The following POU2F1 variants were observed in gnomAD, a reference collection of about 807,000 sequenced individuals.
POU2F1 encodes POU domain, class 2, transcription factor 1.
In POU2F1, 16 loss-of-function variants were observed where a neutral mutation model predicts 84.9. The ratio of observed to expected loss-of-function variants is 0.19; its 90% confidence interval spans 0.13 to 0.29. POU2F1 has a LOEUF of 0.29. POU2F1 is among the 10% of genes least tolerant of loss of function. The pLI is 1.00. For synonymous variants in POU2F1, 368 were observed against 368.3 expected, an observed-to-expected ratio of 1.00 and a Z score of 0.01; for missense variants, 738 against 942.6, an observed-to-expected ratio of 0.78 and a Z score of 2.84.
At chr1:167,304,116 T>C (rs993831167) in intron 1 of POU2F1, among the ~76,000 whole-genome samples, 8 of 152,226 alleles carry the variant, frequency 5.3e-5, no homozygotes, top group Non-Finnish European at 1.2e-4. Flanking sequence ...ACTCCTAGTC[T>C]AGTGCCTTTT....
intron 2 of POU2F1, among the ~76,000 whole-genome samples, chr1:167,361,115 T>G (rs1659326564): frequency 1.3e-5 from 2 of 152,132 alleles, no homozygotes; most frequent in Non-Finnish European, 2.9e-5. Context: ...TAGGAGTCTT[T>G]GAGCAGAATC....
chr1:167,266,816 G>T (rs552990247), intron 1 of POU2F1, among the ~76,000 whole-genome samples: 1 of 151,942 alleles, frequency 6.6e-6, no homozygotes, highest in Admixed American at 6.6e-5. Flanking sequence ...TAGAGATGGG[G>T]TTATATCGTG....
chr1:167,426,758 A>G lies in POU2F1; in HGVS notation c.*10948A>G, dbSNP rs1467387707. 1 of 152,198 alleles carries G rather than the reference A, an allele frequency of 6.6e-6. No homozygotes were observed. The highest frequency in any genetic ancestry group is 2.4e-5 in the African/African-American group (1 of 41,446). The allele number at this position is 152,198 out of a possible 1,614,324, so 9.4% of individuals were successfully genotyped here. A position where few individuals can be genotyped will look rare whatever the true frequency, so the allele number is the denominator to read the frequency against. ...TTGAGTTCTTCTTTGTGGAAACTTA[A>G]GATGTGGTGTAAATGATTCTTTCCA... On this transcript the variant is annotated 3_prime_UTR_variant, in exon 16 of 16. Transcript: ENST00000367866.
rs542260614 is a variant in POU2F1 at position 167,308,874 on chromosome 1, C to T, written c.62-23596C>T. On this transcript the variant is annotated intron_variant, in intron 1 of 15. Coordinates refer to ENST00000367866, the MANE Select transcript of POU2F1 (RefSeq NM_002697.4). Reference sequence around the variant, plus strand: ...GTGATGGTTTTCAAATATTGATTTCCCAATTATATTATTCTACATTATTTG... The same window carrying T: ...GTGATGGTTTTCAAATATTGATTTCTCAATTATATTATTCTACATTATTTG... 1.8e-3 allele frequency among the ~76,000 whole-genome samples: 275 copies of T among 152,218 alleles called. 2 individuals are homozygous for T. The highest frequency in any genetic ancestry group is 6.8e-3 in the Middle Eastern group (2 of 294).
chr1:167,333,531 T>C (rs963700833), intron 2 of POU2F1, among the ~76,000 whole-genome samples: 1 of 152,140 alleles, frequency 6.6e-6, no homozygotes, highest in African/African-American at 2.4e-5. Flanking sequence ...AATGGCTGAG[T>C]TGGACTAATG....
intron 6 of POU2F1, among the ~76,000 whole-genome samples, chr1:167,375,719 C>T (rs1660282399): frequency 6.6e-6 from 1 of 151,962 alleles, no homozygotes; most frequent in Non-Finnish European, 1.5e-5. Context: ...TTTTTAAAAC[C>T]CATATTGGTC....
chr1:167,348,316 A>C (rs113570559), intron 2 of POU2F1, among the ~76,000 whole-genome samples: 1 of 152,192 alleles, frequency 6.6e-6, no homozygotes, highest in Non-Finnish European at 1.5e-5. Context: ...GCTGATGGAA[A>C]TGTCTTTATA....
intron 1 of POU2F1, among the ~76,000 whole-genome samples, chr1:167,292,321 A>G (rs529106271): frequency 6.6e-6 from 1 of 152,244 alleles, no homozygotes; most frequent in South Asian, 2.1e-4. Context: ...ATAGAAAACC[A>G]TTCCTCATTG....
intron 1 of POU2F1, among the ~76,000 whole-genome samples, chr1:167,276,646 A>G (rs1652749124): frequency 6.6e-6 from 1 of 152,194 alleles, no homozygotes; most frequent in Non-Finnish European, 1.5e-5. Context: ...TGAAGCTTTC[A>G]TATAAGTAAA....
intron 1 of POU2F1, among the ~76,000 whole-genome samples, 199 bp downstream of exon 1, chr1:167,221,157 G>A (rs1201381356): frequency 6.6e-6 from 1 of 151,584 alleles, no homozygotes; most frequent in Admixed American, 6.6e-5. Flanking sequence ...AGGCGGAGGG[G>A]GAAGACAAGG....
At chr1:167,397,504 A>T (rs1206576777) in intron 10 of POU2F1, among the ~76,000 whole-genome samples, 2 of 152,192 alleles carry the variant, frequency 1.3e-5, no homozygotes, top group African/African-American at 4.8e-5. Context: ...CAATAAGGGC[A>T]GCAGAAATAT....
chr1:167,275,371 T>C (rs1488838341), intron 1 of POU2F1, among the ~76,000 whole-genome samples: 3 of 151,798 alleles, frequency 2.0e-5, no homozygotes, highest in Non-Finnish European at 4.4e-5. Context: ...AATAGTGTTT[T>C]CTTACAGAAG....
intron 8 of POU2F1, among the ~76,000 whole-genome samples, chr1:167,388,748 C>T (rs1339545175): frequency 6.6e-6 from 1 of 152,142 alleles, no homozygotes; most frequent in Non-Finnish European, 1.5e-5. Flanking sequence ...GGTTAGCTGA[C>T]AAATTCCAGA....
intron 1 of POU2F1, among the ~76,000 whole-genome samples, chr1:167,282,827 T>G (rs1452398473): frequency 2.6e-5 from 4 of 152,230 alleles, no homozygotes; most frequent in Admixed American, 2.6e-4. Context: ...AATGCAGAGC[T>G]TGCTCCAGAG....
At chr1:167,383,622 T>C in intron 7 of POU2F1, 1 of 359,580 alleles carries the variant, frequency 2.8e-6, no homozygotes, top group African/African-American at 2.1e-5. Flanking sequence ...ATCACAGAGC[T>C]TATTCAGATT....
chr1:167,249,136 A>AT (rs1291989229), intron 1 of POU2F1, among the ~76,000 whole-genome samples: 3 of 152,088 alleles, frequency 2.0e-5, no homozygotes, highest in African/African-American at 7.2e-5. Flanking sequence ...GATCCTATCC[A>AT]TTTTTTTCTG....
At chr1:167,240,792 C>T (rs1649841984) in intron 1 of POU2F1, among the ~76,000 whole-genome samples, 1 of 152,144 alleles carries the variant, frequency 6.6e-6, no homozygotes, top group Non-Finnish European at 1.5e-5. Context: ...TGTGGAAATC[C>T]ATTCAGAACC....
At chr1:167,265,372 C>T (rs1045610867) in intron 1 of POU2F1, among the ~76,000 whole-genome samples, 1 of 152,120 alleles carries the variant, frequency 6.6e-6, no homozygotes, top group African/African-American at 2.4e-5. Flanking sequence ...ACAAGTTTAG[C>T]GTTTCTTCTA....
intron 1 of POU2F1, among the ~76,000 whole-genome samples, chr1:167,221,672 G>T (rs1258506880): frequency 6.6e-6 from 1 of 151,014 alleles, no homozygotes; most frequent in Non-Finnish European, 1.5e-5. Context: ...ACGGCCCCAG[G>T]CACTTCGGCC....
Sources: allele counts gnomAD v4.1 joint callset (sites outside exome capture counted in the v4.1 genomes callset), GRCh38; gene constraint gnomAD v4.1.1; transcripts MANE v1.5; gene names NCBI Gene and HGNC (gene_info 2026-07-23, HGNC 2026-07-21).